The following INPP5F variants were observed in gnomAD, a reference collection of about 807,000 sequenced individuals.
The protein encoded by INPP5F is inositol polyphosphate-5-phosphatase F.
Under a neutral mutation model 137.2 loss-of-function variants are expected in INPP5F, and 97 were observed. The ratio of observed to expected loss-of-function variants is 0.71; its 90% CI spans 0.60 to 0.84. The LOEUF is 0.84. Among genes scored for constraint, INPP5F ranks in the 40% least tolerant of loss-of-function variants. The pLI is 0.00. For synonymous variants in INPP5F, 504 were observed against 476.9 expected, an observed-to-expected ratio of 1.06 and a Z score of -0.74; for missense variants, 1,271 against 1,371.9, an observed-to-expected ratio of 0.93 and a Z score of 1.16.
At chr10:119,733,191 A>G (rs966730914) in intron 1 of INPP5F, among the ~76,000 whole-genome samples, 1 of 152,230 alleles carries the variant, frequency 6.6e-6, no homozygotes, top group African/African-American at 2.4e-5. Flanking sequence ...CAAAGCAAGC[A>G]CATTAAGGAA....
chr10:119,820,107 C>T (rs114532796), intron 15 of INPP5F, among the ~76,000 whole-genome samples: 1 of 152,192 alleles, frequency 6.6e-6, no homozygotes, highest in African/African-American at 2.4e-5. Context: ...TCAGATTCTG[C>T]CTGTGTTGTT....
chr10:119,805,337 C>A (rs1435014749), intron 10 of INPP5F, 47 bp from the exon 11 acceptor site: 8 of 1,457,668 alleles, frequency 5.5e-6, no homozygotes, highest in African/African-American at 1.4e-5. Context: ...TTAAAAAAAT[C>A]TATGATTAAA....
At position 119,734,719 on chromosome 10, in the gene INPP5F, C is replaced by T. The variant is rs117002806; in HGVS notation, c.97+8360C>T. On this transcript the variant is annotated intron_variant, in intron 1 of 19. Coordinates refer to ENST00000650623, the MANE Select transcript of INPP5F (RefSeq NM_014937.4). ...GCATGGTTTTATGGGGAATTAAATG[C>T]ATGAGATCTTTACAAGCTGTGTTAC... 2.0e-3 allele frequency among the ~76,000 whole-genome samples: 312 copies of T among 152,300 alleles called. 5 individuals are homozygous for T. In the East Asian group the frequency reaches 0.05, roughly 24 times the overall value.
intron 1 of INPP5F, 34 bp from the exon 2 acceptor site, chr10:119,751,042 T>C (rs749281177): frequency 2.3e-6 from 3 of 1,295,460 alleles, no homozygotes; most frequent in Admixed American, 3.4e-5. Context: ...TTCTGGTGAA[T>C]GTTTTCTCAT....
chr10:119,826,707 T>C lies in INPP5F; in HGVS notation c.2326T>C (p.Phe776Leu), dbSNP rs1335641156. The change falls in exon 20 of 20, where the codon TTT becomes CTT. Residue 776 changes from phenylalanine to leucine, a missense_variant. Physicochemically the swap from Phe to Leu is conservative, Grantham distance 22 (BLOSUM62 0). Coordinates refer to ENST00000650623, the MANE Select transcript of INPP5F (RefSeq NM_014937.4). Reference sequence around the variant, plus strand: ...AGGTTCTTTGGCCCAGGGAAAGAATTTTTTAATGAGCAAATTTTCATCTCT... The same window carrying C: ...AGGTTCTTTGGCCCAGGGAAAGAATCTTTTAATGAGCAAATTTTCATCTCT... ...NQGSLAQGKN[F>L]LMSKFSSLNQ... The C allele has an allele frequency of 6.2e-7, 1 of 1,612,824 alleles. No homozygotes were observed. The highest frequency in any genetic ancestry group is 2.2e-5 in the East Asian group (1 of 44,874).
intron 16 of INPP5F, among the ~76,000 whole-genome samples, chr10:119,821,766 A>ACGCG (rs1299375302): frequency 6.7e-6 from 1 of 150,162 alleles, no homozygotes; most frequent in Non-Finnish European, 1.5e-5. Context: ...GTGTGTGCAC[A>ACGCG]CGCGCGCGCA....
At chr10:119,771,464 G>C (rs196201) in intron 2 of INPP5F, among the ~76,000 whole-genome samples, 54,730 of 151,708 alleles carry the variant, frequency 0.36, 10,097 homozygotes, top group South Asian at 0.46. Context: ...GTAGTAAAAG[G>C]TATTCAGCGA....
chr10:119,752,171 G>A (rs1327140357), intron 2 of INPP5F, among the ~76,000 whole-genome samples: 2 of 152,118 alleles, frequency 1.3e-5, no homozygotes, highest in East Asian at 3.8e-4. Flanking sequence ...TAGATTCTTT[G>A]GTTGTTTTTA....
At position 119,827,070 on chromosome 10, in the gene INPP5F, T is replaced by G; in HGVS notation, c.2689T>G (p.Ser897Ala). The G allele has an allele frequency of 6.2e-7, 1 of 1,614,148 alleles. No individual in the cohort carries two copies. Among genetic ancestry groups the G allele is most frequent in the Non-Finnish European group, 8.5e-7 (1 of 1,179,980 alleles). ...TCTTCCTAGTTGTGGTATTATTGCC[T>G]CAGCGCCTCGATTGGGCAGTCGGTC... The part of the protein sequence containing the change: ...YVLPSCGIIA[S>A]APRLGSRSQS... The change falls in exon 20 of 20, where the codon TCA becomes GCA. Residue 897 changes from serine (S) to alanine (A), a missense_variant. Physicochemically the swap from Ser to Ala is moderately conservative, Grantham distance 99. Coordinates refer to ENST00000650623, the MANE Select transcript of INPP5F (RefSeq NM_014937.4).
At chr10:119,805,483 C>G (rs755151987) in intron 11 of INPP5F, 22 bp downstream of exon 11, 3 of 1,478,872 alleles carry the variant, frequency 2.0e-6, no homozygotes, top group South Asian at 2.3e-5. Flanking sequence ...ACAAGAACTC[C>G]TTTTTACAGA....
At chr10:119,822,303 C>T in intron 16 of INPP5F, 128 bp from the exon 17 acceptor site, 1 of 494,632 alleles carries the variant, frequency 2.0e-6, no homozygotes. Flanking sequence ...ACATTTTACC[C>T]CAGAATGTAT....
At chr10:119,826,444 T>C (rs1308572189) in intron 19 of INPP5F, among the ~76,000 whole-genome samples, 187 bp from the exon 20 acceptor site, 1 of 152,260 alleles carries the variant, frequency 6.6e-6, no homozygotes, top group African/African-American at 2.4e-5. Context: ...ATTATGCATG[T>C]ATTTCATATA....
intron 17 of INPP5F, 105 bp from the exon 18 acceptor site, chr10:119,822,966 C>A: frequency 9.0e-7 from 1 of 1,111,912 alleles, no homozygotes. Context: ...ATTTTGTGTG[C>A]TGTCATTTAT....
intron 1 of INPP5F, among the ~76,000 whole-genome samples, chr10:119,741,907 G>A (rs955542938): frequency 6.6e-6 from 1 of 151,786 alleles, no homozygotes. Flanking sequence ...TGCAACCTCC[G>A]CCTCCCAGGT....
chr10:119,796,851 T>C lies in INPP5F; in HGVS notation c.806T>C (p.Val269Ala). Residue 269 changes from valine (V) to alanine (A), a missense_variant, in exon 7 of 20, where the codon GTA (valine) becomes GCA (alanine). By Grantham distance (64) the Val-to-Ala change is moderately conservative. This residue lies in a region of INPP5F where 593 missense variants were observed against 712.4 expected (regional missense o/e 0.83). Transcript: ENST00000650623. ...ACCCCCCCTCAGGAGTCCACCTGTGTAGATGATATTCACCCACGATTTCTA... is the reference window on the plus strand; with the variant it reads ...ACCCCCCCTCAGGAGTCCACCTGTGCAGATGATATTCACCCACGATTTCTA... ...PETPPQESTC[V>A]DDIHPRFLVA... 2 of 1,614,106 alleles carry C rather than the reference T, an allele frequency of 1.2e-6. No individual in the cohort carries two copies. Among genetic ancestry groups the C allele is most frequent in the Non-Finnish European group, 1.7e-6 (2 of 1,180,008 alleles).
intron 13 of INPP5F, among the ~76,000 whole-genome samples, chr10:119,809,054 T>C (rs1850918172): frequency 6.6e-6 from 1 of 152,014 alleles, no homozygotes; most frequent in African/African-American, 2.4e-5. Flanking sequence ...TGAAACCCTG[T>C]CTCTACAAAA....
chr10:119,807,167 G>T (rs1490853995), intron 12 of INPP5F, among the ~76,000 whole-genome samples: 1 of 152,110 alleles, frequency 6.6e-6, no homozygotes, highest in Non-Finnish European at 1.5e-5. Flanking sequence ...CCGCTACTCG[G>T]GAGGCTAAGG....
At chr10:119,808,150 G>C in intron 13 of INPP5F, 90 bp downstream of exon 13, 2 of 1,454,208 alleles carry the variant, frequency 1.4e-6, no homozygotes, top group Non-Finnish European at 1.9e-6. Flanking sequence ...GTGGGTTCCA[G>C]ATTGCAGATG....
chr10:119,781,577 T>C lies in INPP5F; in HGVS notation c.179-58T>C, dbSNP rs1182512943. ...CATTGTTAGGTTATTCACCTTCAAC[T>C]TGTCAGAACAGTAGCACTCTAAAAA... On this transcript the variant is annotated intron_variant, in intron 2 of 19. Coordinates refer to ENST00000650623, the MANE Select transcript of INPP5F (RefSeq NM_014937.4). 1.6e-5 allele frequency: 23 copies of C among 1,444,760 alleles called. No homozygotes were observed. In the East Asian group the frequency reaches 5.0e-4, roughly 31 times the overall value. 89.5% of individuals were successfully genotyped at this position (1,444,760 alleles called of 1,614,324 possible). A position where few individuals can be genotyped will look rare whatever the true frequency, so the allele number is the denominator to read the frequency against.
Sources: allele counts gnomAD v4.1 joint callset (sites outside exome capture counted in the v4.1 genomes callset), GRCh38; gene constraint gnomAD v4.1.1; regional missense constraint gnomAD v4.1.1; transcripts MANE v1.5; gene names NCBI Gene and HGNC (gene_info 2026-07-23, HGNC 2026-07-21).